PAH: variants seen among roughly 807,000 people sequenced by gnomAD.
PAH encodes phenylalanine hydroxylase, also known as phenylalanine-4-hydroxylase.
Under a neutral mutation model 62.0 loss-of-function variants are expected in PAH, and 64 were observed. That is an observed-to-expected ratio of 1.03 (90% CI 0.84 to 1.27). The LOEUF is 1.27. Ranked by LOEUF, PAH falls within the 50% of genes most tolerant of loss-of-function variation. The pLI is 0.00. For synonymous variants in PAH, 195 were observed against 196.2 expected (o/e 0.99, Z 0.05); for missense variants, 579 against 542.8 (o/e 1.07, Z -0.66).
chr12:102,907,282 A>G (rs745976274), intron 2 of PAH, among the ~76,000 whole-genome samples: 17 of 152,210 alleles, frequency 1.1e-4, no homozygotes, highest in Non-Finnish European at 2.2e-4. Flanking sequence ...TGCATTTTTT[A>G]AAAAACTCCA....
intron 1 of PAH, among the ~76,000 whole-genome samples, chr12:102,934,040 C>CCCAATGTTTT (rs1246635947): frequency 1.3e-5 from 2 of 151,872 alleles, no homozygotes; most frequent in Admixed American, 1.3e-4. Flanking sequence ...GAAGAGTTTC[C>CCCAATGTTTT]CCAATGTTTT....
intron 1 of PAH, among the ~76,000 whole-genome samples, chr12:102,941,499 G>T (rs1879285504): frequency 6.6e-6 from 1 of 152,090 alleles, no homozygotes; most frequent in Non-Finnish European, 1.5e-5. Context: ...AAAGAGCAGG[G>T]ATAGATATTG....
At chr12:102,886,695 G>A (rs771689574) in intron 3 of PAH, among the ~76,000 whole-genome samples, 2 of 152,028 alleles carry the variant, frequency 1.3e-5, no homozygotes, top group Non-Finnish European at 2.9e-5. Context: ...CTGACCCCAC[G>A]CCTGGGCTCA....
In PAH at chr12:102,917,211, G is replaced by C; in HGVS notation, c.-81C>G. The C allele has an allele frequency of 1.6e-6, 2 of 1,221,810 alleles. No homozygotes were observed. The highest frequency in any genetic ancestry group is 2.4e-6 in the Non-Finnish European group (2 of 825,560). The allele number at this position is 1,221,810 out of a possible 1,614,324, so 75.7% of individuals were successfully genotyped here. A position where few individuals can be genotyped will look rare whatever the true frequency, so the allele number is the denominator to read the frequency against. ...TTTGCAAACAGCACGTGGGGCTGAAGGTTTTAACCTCGCACTAGGGAGGAG... is the reference window on the plus strand; with the variant it reads ...TTTGCAAACAGCACGTGGGGCTGAACGTTTTAACCTCGCACTAGGGAGGAG... On this transcript the variant is annotated 5_prime_UTR_variant, in exon 1 of 13. Transcript: ENST00000553106.
At chr12:102,951,783 T>TC (rs1325284909), upstream of PAH, among the ~76,000 whole-genome samples, 1 of 148,668 alleles carries the variant, frequency 6.7e-6, no homozygotes, top group African/African-American at 2.5e-5. Context: ...CTTTAAATTG[T>TC]CCCCCCTTCC....
chr12:102,842,709 A>G (rs951854759), intron 11 of PAH, among the ~76,000 whole-genome samples: 1 of 152,030 alleles, frequency 6.6e-6, no homozygotes, highest in Non-Finnish European at 1.5e-5. Flanking sequence ...TTCCTCCCTC[A>G]TGTCTCTCTT....
At chr12:102,882,846 G>A (rs942511478) in intron 3 of PAH, among the ~76,000 whole-genome samples, 5 of 151,752 alleles carry the variant, frequency 3.3e-5, no homozygotes, top group South Asian at 2.1e-4. Context: ...TGCTCTTTCC[G>A]TATTATTGGA....
At chr12:102,857,898 G>A (rs1417635577) in intron 5 of PAH, among the ~76,000 whole-genome samples, 1 of 152,076 alleles carries the variant, frequency 6.6e-6, no homozygotes, top group Non-Finnish European at 1.5e-5. Flanking sequence ...CATTGATTCC[G>A]GGAAGAAACT....
intron 1 of PAH, among the ~76,000 whole-genome samples, chr12:102,924,526 G>T (rs536611379): frequency 3.3e-5 from 5 of 152,242 alleles, no homozygotes; most frequent in African/African-American, 1.2e-4. Context: ...AGGCTAGTCT[G>T]TCCCTTTGGG....
rs114304912 is a variant in PAH, at chr12:102,880,448, A to C, written c.353-2898T>G. On this transcript the variant is annotated intron_variant, in intron 3 of 12. Coordinates refer to ENST00000553106, the MANE Select transcript of PAH (RefSeq NM_000277.3). ...ACAAGGGGGCCTGACTCTTTCCTCT[A>C]TGTTCAGGACCATGGATAATCTCAT... Among the ~76,000 whole-genome samples the C allele has an allele frequency of 7.1e-3, 1,086 of 152,140 alleles. 21 individuals carry two copies. The highest frequency in any genetic ancestry group is 0.025 in the African/African-American group (1,029 of 41,498).
At chr12:102,911,539 T>C (rs145452309) in intron 2 of PAH, among the ~76,000 whole-genome samples, 2 of 152,288 alleles carry the variant, frequency 1.3e-5, no homozygotes, top group African/African-American at 4.8e-5. Flanking sequence ...AGCTCCTACC[T>C]CATGTTATTT....
intron 8 of PAH, 111 bp from the exon 9 acceptor site, chr12:102,847,062 C>A: frequency 1.3e-6 from 1 of 793,082 alleles, no homozygotes. Flanking sequence ...TTCAGAACAG[C>A]CCACATAGAC....
intron 5 of PAH, among the ~76,000 whole-genome samples, chr12:102,859,009 C>A (rs1234613956): frequency 3.3e-5 from 5 of 151,870 alleles, no homozygotes; most frequent in Non-Finnish European, 7.4e-5. Flanking sequence ...CACAAAAAAA[C>A]CTTCAAAAAA....
chr12:102,942,703 G>C (rs1879339290), intron 1 of PAH, among the ~76,000 whole-genome samples: 1 of 152,116 alleles, frequency 6.6e-6, no homozygotes, highest in Non-Finnish European at 1.5e-5. Flanking sequence ...GCATGGTACT[G>C]TTACAAAAAC....
At chr12:102,935,254 C>G (rs61943180) in intron 1 of PAH, among the ~76,000 whole-genome samples, 9,419 of 152,082 alleles carry the variant, frequency 0.062, 346 homozygotes, top group Admixed American at 0.1. Flanking sequence ...CTCACGTGGT[C>G]TTGATGAATG....
chr12:102,851,837 G>A, intron 7 of PAH, 81 bp from the exon 8 acceptor site: 1 of 1,024,280 alleles, frequency 9.8e-7, no homozygotes, highest in South Asian at 1.3e-5. Flanking sequence ...ATGAGGAATG[G>A]GCAGAAAGAA....
chr12:102,934,680 A>G (rs188245243), intron 1 of PAH, among the ~76,000 whole-genome samples: 44 of 152,080 alleles, frequency 2.9e-4, no homozygotes, highest in African/African-American at 9.6e-4. Context: ...ATTTGTGGAT[A>G]TTGTAAATGG....
chr12:102,879,220 G>A (rs1005531136), intron 3 of PAH, among the ~76,000 whole-genome samples: 1 of 152,110 alleles, frequency 6.6e-6, no homozygotes, highest in Non-Finnish European at 1.5e-5. Context: ...TTCTGGTGGA[G>A]CATTTCTGGT....
chr12:102,864,959 C>T (rs1046773744), intron 5 of PAH, among the ~76,000 whole-genome samples: 1 of 152,068 alleles, frequency 6.6e-6, no homozygotes, highest in Non-Finnish European at 1.5e-5. Flanking sequence ...AAGGCGAGCC[C>T]TTTACTAGCT....
Sources: allele counts gnomAD v4.1 joint callset (sites outside exome capture counted in the v4.1 genomes callset), GRCh38; gene constraint gnomAD v4.1.1; transcripts MANE v1.5; gene names NCBI Gene and HGNC (gene_info 2026-07-23, HGNC 2026-07-21).